Variants in TAF3 observed in about 807,000 individuals in gnomAD.
TAF3 encodes transcription initiation factor TFIID subunit 3.
TAF3 carries 7 observed loss-of-function variants against 80.6 expected under a neutral mutation model. That is an observed-to-expected ratio of 0.09 (90% CI 0.05 to 0.16). The LOEUF (loss-of-function observed/expected upper bound fraction) is 0.16, where lower values mean the gene tolerates loss of function less well. TAF3 is among the 10% of genes least tolerant of loss of function. The pLI, the probability that TAF3 is intolerant of heterozygous loss-of-function variation, is 1.00. For missense variants in TAF3, 921 were observed against 1,140.2 expected (o/e 0.81, Z 2.77); for synonymous variants, 444 against 446.1 (o/e 1.00, Z 0.06).
intron 2 of TAF3, among the ~76,000 whole-genome samples, chr10:7,893,040 C>T (rs748337208): frequency 3.3e-5 from 5 of 151,882 alleles, no homozygotes; most frequent in African/African-American, 1.2e-4. Flanking sequence ...GGCTGGTCTC[C>T]ACCTCCTGAC....
At chr10:7,913,873 T>C (rs538113694) in intron 2 of TAF3, among the ~76,000 whole-genome samples, 2 of 152,266 alleles carry the variant, frequency 1.3e-5, no homozygotes, top group Non-Finnish European at 2.9e-5. Context: ...ACACAGCAGA[T>C]AGAGATTAAG....
At chr10:7,839,890 G>T (rs1347201268) in intron 2 of TAF3, among the ~76,000 whole-genome samples, 1 of 152,206 alleles carries the variant, frequency 6.6e-6, no homozygotes. Context: ...ATACATGTCA[G>T]CAGTCAGCAT....
intron 4 of TAF3, among the ~76,000 whole-genome samples, chr10:7,988,411 G>A (rs1366328522): frequency 6.6e-6 from 1 of 151,652 alleles, no homozygotes; most frequent in Non-Finnish European, 1.5e-5. Context: ...CCAACATGGT[G>A]AAACCCTGTT....
intron 2 of TAF3, among the ~76,000 whole-genome samples, chr10:7,939,137 T>G (rs1024727523): frequency 1.3e-5 from 2 of 152,202 alleles, no homozygotes; most frequent in African/African-American, 4.8e-5. Context: ...GATATAAAAG[T>G]CTGTTTGTGC....
intron 2 of TAF3, among the ~76,000 whole-genome samples, chr10:7,872,329 G>C (rs1427168993): frequency 6.7e-6 from 1 of 148,228 alleles, no homozygotes; most frequent in Non-Finnish European, 1.5e-5. Flanking sequence ...TCAGTTCCCT[G>C]TATAATTAGC....
chr10:8,008,075 G>T (rs1832014227), intron 4 of TAF3, among the ~76,000 whole-genome samples: 1 of 148,484 alleles, frequency 6.7e-6, no homozygotes, highest in Admixed American at 6.8e-5. Context: ...TACCTCTGCA[G>T]CCCGTCTGGG....
At chr10:7,962,771 A>G (rs1014166492) in intron 2 of TAF3, among the ~76,000 whole-genome samples, 1 of 152,176 alleles carries the variant, frequency 6.6e-6, no homozygotes, top group Non-Finnish European at 1.5e-5. Flanking sequence ...TGTCTGTGGC[A>G]CTGATCACTT....
At chr10:7,890,339 G>A (rs1469056151) in intron 2 of TAF3, among the ~76,000 whole-genome samples, 3 of 152,138 alleles carry the variant, frequency 2.0e-5, no homozygotes, top group African/African-American at 4.8e-5. Flanking sequence ...TCTTGGTATA[G>A]CCCTTTATCA....
At position 8,009,992 on chromosome 10, in the gene TAF3, G is replaced by A. The variant is rs770625707; in HGVS notation, c.2568+662G>A. On this transcript the variant is annotated intron_variant, in intron 5 of 6. Transcript: ENST00000344293. This position sits in a 1 kb window ranked among gnomAD's most constrained non-coding sequence, Gnocchi z 4.1. ...AGTGGTACGATCTCGGCTCACTGCA[G>A]CCCCTGCCTCCCAGGCTCAAGCGAT... Among the ~76,000 whole-genome samples the A allele has an allele frequency of 2.6e-5, 4 of 151,294 alleles. No individual in the cohort carries two copies. The highest frequency in any genetic ancestry group is 9.7e-5 in the African/African-American group (4 of 41,118).
intron 4 of TAF3, among the ~76,000 whole-genome samples, chr10:7,977,532 TTTCTTG>T (rs1189352154): frequency 1.3e-5 from 2 of 152,340 alleles, no homozygotes; most frequent in African/African-American, 4.8e-5. Flanking sequence ...GGATTTTTTT[TTTCTTG>T]TTCTTTTTCT....
intron 2 of TAF3, among the ~76,000 whole-genome samples, chr10:7,933,372 C>A (rs1837887416): frequency 6.6e-6 from 1 of 152,204 alleles, no homozygotes; most frequent in Non-Finnish European, 1.5e-5. Context: ...TCATGCATGG[C>A]ACCCACCTGA....
chr10:7,832,786 G>T (rs1588516290), intron 2 of TAF3, among the ~76,000 whole-genome samples: 1 of 152,330 alleles, frequency 6.6e-6, no homozygotes, highest in East Asian at 1.9e-4. Flanking sequence ...CTGGCCTCAA[G>T]TGATCTGCCC....
At chr10:7,985,277 T>C (rs1236435096) in intron 4 of TAF3, among the ~76,000 whole-genome samples, 1 of 152,204 alleles carries the variant, frequency 6.6e-6, no homozygotes. Context: ...GTCCAGGCTC[T>C]AGGAAAGAGT....
At position 7,818,686 on chromosome 10, in the gene TAF3, C is replaced by T. The variant is rs894469966; in HGVS notation, c.-24C>T. The T allele has an allele frequency of 2.5e-6, 4 of 1,599,296 alleles. No individual in the cohort carries two copies. The highest frequency in any genetic ancestry group is 3.4e-5 in the Admixed American group (2 of 58,126). On this transcript the variant is annotated 5_prime_UTR_variant, in exon 1 of 7. Coordinates refer to ENST00000344293, the MANE Select transcript of TAF3 (RefSeq NM_031923.4). ...GGCTGGAGAGCAGTGGCAGCAAGGGCTGCGGTGGCGTCCACGCAGCGGGAT... is the reference window on the plus strand; with the variant it reads ...GGCTGGAGAGCAGTGGCAGCAAGGGTTGCGGTGGCGTCCACGCAGCGGGAT...
In TAF3 at chr10:7,843,857, TATC is replaced by T. The variant is rs763068424; in HGVS notation, c.409+19301_409+19303del. On this transcript the variant is annotated intron_variant, in intron 2 of 6. Coordinates refer to ENST00000344293, the MANE Select transcript of TAF3 (RefSeq NM_031923.4). ...AAATACACTCTTGTTAGTTAAATTT[TATC>T]ATCCATTTTACTCTTTGTGGACTTC... Among the ~76,000 whole-genome samples the T allele has an allele frequency of 5.7e-4, 87 of 152,312 alleles. 1 individual carries two copies. The highest frequency in any genetic ancestry group is 2.0e-3 in the African/African-American group (83 of 41,574).
intron 4 of TAF3, among the ~76,000 whole-genome samples, chr10:7,995,039 T>A (rs1364441534): frequency 6.6e-6 from 1 of 151,736 alleles, no homozygotes; most frequent in African/African-American, 2.4e-5. Flanking sequence ...TATAATTATT[T>A]GAGTTATTCA....
intron 2 of TAF3, among the ~76,000 whole-genome samples, chr10:7,958,513 C>T (rs993522701): frequency 6.6e-6 from 1 of 151,814 alleles, no homozygotes; most frequent in African/African-American, 2.4e-5. Context: ...ATTATAGTAT[C>T]ATACTATTTA....
At chr10:7,913,976 AAG>A (rs1462188515) in intron 2 of TAF3, among the ~76,000 whole-genome samples, 7 of 152,340 alleles carry the variant, frequency 4.6e-5, no homozygotes, top group Non-Finnish European at 8.8e-5. Context: ...GCATGAAAAA[AAG>A]AGAGCAGGGG....
chr10:7,921,492 T>C (rs966119027), intron 2 of TAF3, among the ~76,000 whole-genome samples: 2 of 152,182 alleles, frequency 1.3e-5, no homozygotes, highest in African/African-American at 2.4e-5. Context: ...GACCCATTAA[T>C]GGTTGTTAAA....
Sources: gnomAD v4.1 joint callset for allele counts (sites outside exome capture counted in the v4.1 genomes callset) on GRCh38, gnomAD v4.1.1 for gene constraint, Gnocchi (gnomAD v3.1) non-coding constraint, MANE v1.5 for transcripts, NCBI Gene and HGNC (gene_info 2026-07-23, HGNC 2026-07-21) for gene names.